The following ZNF100 variants were observed in gnomAD, a reference collection of about 807,000 sequenced individuals.
The protein encoded by ZNF100 is zinc finger protein 100.
A neutral mutation model predicts 15.8 loss-of-function variants in ZNF100; 12 were observed. The ratio of observed to expected loss-of-function variants is 0.76; its 90% CI spans 0.49 to 1.23. The LOEUF (loss-of-function observed/expected upper bound fraction) is 1.23. Ranked by LOEUF, ZNF100 falls within the 50% of genes most tolerant of loss-of-function variation. The probability of loss-of-function intolerance (pLI) is 0.00; values close to 1 mark genes in which losing one functional copy is unlikely to be tolerated. For synonymous variants in ZNF100, 226 were observed against 214.8 expected, an observed-to-expected ratio of 1.05 and a Z score of -0.45; for missense variants, 670 against 635.6, an observed-to-expected ratio of 1.05 and a Z score of -0.58.
chr19:21,732,900 G>A (rs935857384), intron 4 of ZNF100, among the ~76,000 whole-genome samples: 3 of 151,874 alleles, frequency 2.0e-5, no homozygotes, highest in Non-Finnish European at 4.4e-5. Context: ...AAAATTCAGG[G>A]CATTTATTAC....
chr19:21,733,900 C>T (rs2035965371), intron 4 of ZNF100, among the ~76,000 whole-genome samples: 1 of 152,270 alleles, frequency 6.6e-6, no homozygotes, highest in Admixed American at 6.5e-5. Flanking sequence ...CCACTGGTGA[C>T]ACCTCCAGGT....
Position 21,724,613 on chromosome 19 carries a change from G to C in ZNF100, c.*2070C>G, listed in dbSNP as rs1296261622. ...AAAACTGGGTTGCTTGTAATACAAAGGATAAATACTAGAGGTGATGGATAC... is the reference window on the plus strand; with the variant it reads ...AAAACTGGGTTGCTTGTAATACAAACGATAAATACTAGAGGTGATGGATAC... On this transcript the variant is annotated 3_prime_UTR_variant, in exon 5 of 5. Coordinates refer to ENST00000358296, the MANE Select transcript of ZNF100 (RefSeq NM_173531.4). 6.6e-6 allele frequency: 1 copy of C among 151,798 alleles called. No individual in the cohort carries two copies. Among genetic ancestry groups the C allele is most frequent in the East Asian group, 1.9e-4 (1 of 5,184 alleles). 9.4% of individuals were successfully genotyped at this position (151,798 alleles called of 1,614,324 possible).
intron 2 of ZNF100, among the ~76,000 whole-genome samples, chr19:21,749,323 C>G (rs1300039324): frequency 6.6e-6 from 1 of 151,636 alleles, no homozygotes; most frequent in Non-Finnish European, 1.5e-5. Context: ...ACTCATTTCT[C>G]TTACACCGAG....
Position 21,757,552 on chromosome 19 carries a change from C to T in ZNF100, c.96+8142G>A, listed in dbSNP as rs138780169. Among the ~76,000 whole-genome samples the T allele has an allele frequency of 4.5e-3, 687 of 152,260 alleles. 3 individuals carry two copies. Among genetic ancestry groups the T allele is most frequent in the African/African-American group, 0.014 (579 of 41,546 alleles). On this transcript the variant is annotated intron_variant, in intron 2 of 4. Transcript: ENST00000358296. The stretch of plus-strand genomic sequence containing the variant: ...TCAACCATTGTGAAAAGCAGTGTGG[C>T]GATTCTTCACAGAACTAAAAACAGA...
At position 21,745,303 on chromosome 19, in the gene ZNF100, A is replaced by T. The variant is rs188513729; in HGVS notation, c.97-236T>A. ...GTGTATATATGACACTTTTCTAGATAAAGTATAAAATTAAGAGCATAAACA... is the reference window on the plus strand; with the variant it reads ...GTGTATATATGACACTTTTCTAGATTAAGTATAAAATTAAGAGCATAAACA... On this transcript the variant is annotated intron_variant, in intron 2 of 4. Coordinates refer to ENST00000358296, the MANE Select transcript of ZNF100 (RefSeq NM_173531.4). 2.6e-5 allele frequency among the ~76,000 whole-genome samples: 4 copies of T among 152,368 alleles called. No homozygotes were observed. The East Asian group carries it at 7.7e-4, about 29-fold the overall frequency.
intron 4 of ZNF100, among the ~76,000 whole-genome samples, chr19:21,740,341 C>G (rs1203444493): frequency 6.6e-6 from 1 of 152,034 alleles, no homozygotes; most frequent in Non-Finnish European, 1.5e-5. Flanking sequence ...CATAAAAAAA[C>G]TAACGAATCT....
intron 4 of ZNF100, among the ~76,000 whole-genome samples, chr19:21,740,159 C>G (rs1044515745): frequency 3.9e-5 from 6 of 152,098 alleles, no homozygotes; most frequent in African/African-American, 1.4e-4. Context: ...ATAGAGAGTT[C>G]AGAAATGAAC....
chr19:21,724,534 T>C lies in ZNF100; in HGVS notation c.*2149A>G, dbSNP rs1425811855. Reference sequence around the variant, plus strand: ...ATAACTTTTATTATGACCATAAAAATAACACTGTAATCAATAACAATTTAA... The same window carrying C: ...ATAACTTTTATTATGACCATAAAAACAACACTGTAATCAATAACAATTTAA... On this transcript the variant is annotated 3_prime_UTR_variant, in exon 5 of 5. Coordinates refer to ENST00000358296, the MANE Select transcript of ZNF100 (RefSeq NM_173531.4). The C allele has an allele frequency of 6.6e-6, 1 of 152,150 alleles. No individual in the cohort carries two copies. Among genetic ancestry groups the C allele is most frequent in the African/African-American group, 2.4e-5 (1 of 41,446 alleles). The allele number at this position is 152,150 out of a possible 1,614,324, so 9.4% of individuals were successfully genotyped here.
intron 4 of ZNF100, among the ~76,000 whole-genome samples, chr19:21,729,098 T>C (rs376179219): frequency 1.3e-5 from 2 of 152,112 alleles, no homozygotes; most frequent in African/African-American, 4.8e-5. Context: ...AAGAGAACCT[T>C]GGGAGCTGCA....
chr19:21,765,879 T>C, intron 1 of ZNF100, 93 bp from the exon 2 acceptor site: 2 of 1,288,728 alleles, frequency 1.6e-6, no homozygotes, highest in Middle Eastern at 1.9e-4. Context: ...CAGATAGTAC[T>C]GAAACCCAGG....
chr19:21,757,348 G>A (rs1268709918), intron 2 of ZNF100, among the ~76,000 whole-genome samples: 1 of 152,202 alleles, frequency 6.6e-6, no homozygotes, highest in African/African-American at 2.4e-5. Context: ...TGAGGCATGA[G>A]AAATGCTTCA....
At chr19:21,728,737 A>G (rs1433507179) in intron 4 of ZNF100, among the ~76,000 whole-genome samples, 2 of 152,088 alleles carry the variant, frequency 1.3e-5, no homozygotes, top group Non-Finnish European at 2.9e-5. Context: ...AAGGATTACA[A>G]TGTATACAAA....
At chr19:21,741,510 G>A (rs1373732423) in intron 4 of ZNF100, among the ~76,000 whole-genome samples, 2 of 151,998 alleles carry the variant, frequency 1.3e-5, no homozygotes, top group Non-Finnish European at 2.9e-5. Context: ...GAGTAGCTGG[G>A]ATTACAGGCA....
intron 3 of ZNF100, among the ~76,000 whole-genome samples, chr19:21,744,656 C>T (rs545611793): frequency 1.5e-3 from 222 of 152,224 alleles, no homozygotes; most frequent in Non-Finnish European, 1.7e-3. Flanking sequence ...AGGAGTGAGC[C>T]ACCATGCCCG....
intron 4 of ZNF100, among the ~76,000 whole-genome samples, chr19:21,736,686 A>AT (rs1218779737): frequency 2.0e-5 from 3 of 152,236 alleles, no homozygotes; most frequent in Non-Finnish European, 4.4e-5. Flanking sequence ...AACCAAAATC[A>AT]TAACAGTTTC....
chr19:21,752,830 TG>T (rs1289273182), intron 2 of ZNF100: 3 of 152,214 alleles, frequency 2.0e-5, no homozygotes, highest in Non-Finnish European at 4.4e-5. Flanking sequence ...TTGAGAGTTT[TG>T]TTTTTTTTCT....
At chr19:21,734,856 C>T (rs1287534540) in intron 4 of ZNF100, among the ~76,000 whole-genome samples, 4 of 152,090 alleles carry the variant, frequency 2.6e-5, no homozygotes, top group Non-Finnish European at 4.4e-5. Context: ...TAAAAGTGGA[C>T]CTCTAAAAAG....
At chr19:21,762,707 T>A (rs539815151) in intron 2 of ZNF100, among the ~76,000 whole-genome samples, 2 of 152,120 alleles carry the variant, frequency 1.3e-5, no homozygotes, top group East Asian at 3.9e-4. Context: ...TTTAAAAAAA[T>A]AACAATAATA....
rs1383305440 is a variant in ZNF100, at chr19:21,726,455, TCAA to T, written c.*225_*227del. 1 of 491,564 alleles carries T rather than the reference TCAA, an allele frequency of 2.0e-6. No homozygotes were observed. Among genetic ancestry groups the T allele is most frequent in the Non-Finnish European group, 3.6e-6 (1 of 280,746 alleles). The allele number at this position is 491,564 out of a possible 1,614,324, so 30.5% of individuals were successfully genotyped here. A position where few individuals can be genotyped will look rare whatever the true frequency, so the allele number is the denominator to read the frequency against. On this transcript the variant is annotated 3_prime_UTR_variant, in exon 5 of 5. Transcript: ENST00000358296. ...ACATTCTTCACATTTCTAGGATTTC[TCAA>T]CACTATGATTTATGTTTTGAAAAGT...
Sources: gnomAD v4.1 joint callset for allele counts (sites outside exome capture counted in the v4.1 genomes callset) on GRCh38, gnomAD v4.1.1 for gene constraint, MANE v1.5 for transcripts, NCBI Gene and HGNC (gene_info 2026-07-23, HGNC 2026-07-21) for gene names.